The following ERAP1 variants were observed in gnomAD, a reference collection of about 807,000 sequenced individuals.
ERAP1 encodes the protein endoplasmic reticulum aminopeptidase 1.
Under a neutral mutation model 103.7 loss-of-function variants are expected in ERAP1, and 86 were observed. That is an observed-to-expected ratio of 0.83 (90% CI 0.70 to 0.99). ERAP1 has a LOEUF of 0.99. Among genes scored for constraint, ERAP1 ranks in the 50% least tolerant of loss-of-function variants. The probability of loss-of-function intolerance (pLI) is 0.00; values close to 1 mark genes in which losing one functional copy is unlikely to be tolerated. For missense variants in ERAP1, 1,009 were observed against 1,128.4 expected, an observed-to-expected ratio of 0.89 and a Z score of 1.52; for synonymous variants, 398 against 402.4, an observed-to-expected ratio of 0.99 and a Z score of 0.13.
the ERAP1 span, chr5:96,883,647 G>A: frequency 1.0e-5 from 8 of 779,360 alleles, no homozygotes; most frequent in South Asian, 8.0e-5. Context: ...TTTCCTCAAA[G>A]AGACAGTTGA....
At chr5:96,836,176 G>GGT in the ERAP1 span, among the ~76,000 whole-genome samples, 6 of 106,658 alleles carry the variant, frequency 5.6e-5, no homozygotes, top group East Asian at 1.1e-3. Context: ...CACCTCTTTG[G>GGT]TTTTTTTTTT....
the ERAP1 span, chr5:96,935,191 T>C: frequency 6.6e-6 from 1 of 152,050 alleles, no homozygotes; most frequent in East Asian, 1.9e-4. Flanking sequence ...GATTTAAGGC[T>C]CGGAACAGGC....
At chr5:96,777,284 A>G (rs568423680) in intron 18 of ERAP1, among the ~76,000 whole-genome samples, 55 of 152,308 alleles carry the variant, frequency 3.6e-4, no homozygotes, top group Non-Finnish European at 5.0e-4. Context: ...TTCACCTTAA[A>G]GGGTTATTAT....
At chr5:96,813,431 G>C in the ERAP1 span, among the ~76,000 whole-genome samples, 1 of 152,044 alleles carries the variant, frequency 6.6e-6, no homozygotes, top group African/African-American at 2.4e-5. Context: ...AAGGCAGGAA[G>C]ATCATGAGGG....
intron 19 of ERAP1, among the ~76,000 whole-genome samples, chr5:96,766,728 C>CT (rs1330418490): frequency 6.6e-6 from 1 of 152,212 alleles, no homozygotes; most frequent in Non-Finnish European, 1.5e-5. Flanking sequence ...TCCCCCACCT[C>CT]TTTCCTATTT....
At chr5:96,891,574 C>T in the ERAP1 span, among the ~76,000 whole-genome samples, 80,830 of 136,936 alleles carry the variant, frequency 0.59, 23,067 homozygotes, top group Middle Eastern at 0.71. Context: ...ATATATGGTA[C>T]ACACACACAC....
the ERAP1 span, chr5:96,879,744 G>T: frequency 6.2e-7 from 1 of 1,614,170 alleles, no homozygotes; most frequent in Non-Finnish European, 8.5e-7. Flanking sequence ...AACATTCACA[G>T]AGGATTTTAC....
intron 18 of ERAP1, among the ~76,000 whole-genome samples, chr5:96,777,832 C>T (rs896244069): frequency 6.6e-6 from 1 of 152,194 alleles, no homozygotes; most frequent in Non-Finnish European, 1.5e-5. Context: ...CTTGTCCTGA[C>T]CCAAAATCAT....
chr5:96,763,074 T>A, exon 20 of ERAP1: 1 of 769,748 alleles, frequency 1.3e-6, no homozygotes, highest in Non-Finnish European at 2.4e-6. Flanking sequence ...TCTCCTTTGG[T>A]TGAGAACAGT....
At position 96,788,647 on chromosome 5, in the gene ERAP1, C is replaced by A. The variant is rs567477737; in HGVS notation, c.1563G>T (p.Met521Ile). ...HQEGVDVKTM[M>I]NTWTLQKGFP... is the part of the protein sequence containing the mutation. Reference sequence around the variant, plus strand: ...AACCCTTCTGCAGTGTCCAAGTGTTCATCATGGTTTTCACATCCACCCCTT... The same window carrying A: ...AACCCTTCTGCAGTGTCCAAGTGTTAATCATGGTTTTCACATCCACCCCTT... The change falls in exon 11 of 19, where the codon ATG becomes ATT. Residue 521 changes from methionine to isoleucine, a missense_variant. Met to Ile is a conservative substitution (Grantham distance 10). This residue lies in a region of ERAP1 where 611 missense variants were observed against 651.7 expected (regional missense o/e 0.94). Coordinates refer to ENST00000443439, the MANE Select transcript of ERAP1 (RefSeq NM_001040458.3). 1.4e-4 allele frequency: 218 copies of A among 1,614,048 alleles called. No homozygotes were observed. The highest frequency in any genetic ancestry group is 1.8e-4 in the Non-Finnish European group (210 of 1,180,040).
chr5:96,808,464 C>T (rs948795174), upstream of ERAP1, among the ~76,000 whole-genome samples: 2 of 151,848 alleles, frequency 1.3e-5, no homozygotes, highest in African/African-American at 4.8e-5. Context: ...GCTGAGAGCT[C>T]TTGGCCCGCC....
In ERAP1 at chr5:96,805,110, G is replaced by A. The variant is rs182566980; in HGVS notation, c.-17-1167C>T. Among the ~76,000 whole-genome samples the A allele has an allele frequency of 5.2e-4, 79 of 151,510 alleles. 1 individual carries two copies. The highest frequency in any genetic ancestry group is 1.6e-3 in the Admixed American group (24 of 15,172). The stretch of plus-strand genomic sequence containing the variant: ...TGCAAGTGATTGGCCCAAACTCCTC[G>A]TGTTCCAGTTGGGAAAAGTAGCAAG... On this transcript the variant is annotated intron_variant, in intron 1 of 18. Transcript: ENST00000443439.
chr5:96,911,866 C>CAA, the ERAP1 span, among the ~76,000 whole-genome samples: 9 of 56,662 alleles, frequency 1.6e-4, no homozygotes, highest in East Asian at 2.0e-3. Flanking sequence ...GACCCTGTCT[C>CAA]AAAAAAAAAA....
At chr5:96,902,274 G>A in the ERAP1 span, 2 of 1,594,896 alleles carry the variant, frequency 1.3e-6, no homozygotes, top group African/African-American at 1.3e-5. Context: ...TCTGTCATAG[G>A]TACCTGTGGC....
chr5:96,827,879 A>C, the ERAP1 span, among the ~76,000 whole-genome samples: 2 of 152,210 alleles, frequency 1.3e-5, no homozygotes, highest in African/African-American at 4.8e-5. Context: ...TGTGAGGATA[A>C]TAGAAGATAA....
At chr5:96,819,648 ATTGT>A in the ERAP1 span, among the ~76,000 whole-genome samples, 1 of 152,074 alleles carries the variant, frequency 6.6e-6, no homozygotes, top group Non-Finnish European at 1.5e-5. Flanking sequence ...TTTTCCTAGG[ATTGT>A]TTTTTTACGT....
the ERAP1 span, among the ~76,000 whole-genome samples, chr5:96,864,919 C>G: frequency 1.3e-5 from 2 of 151,864 alleles, no homozygotes; most frequent in Non-Finnish European, 2.9e-5. Context: ...CTTATGGATA[C>G]AGAAATGCAA....
intron 10 of ERAP1, 106 bp from the exon 11 acceptor site, chr5:96,788,791 C>T (rs950430165): frequency 3.6e-6 from 5 of 1,390,406 alleles, no homozygotes; most frequent in Non-Finnish European, 4.9e-6. Context: ...TGCCAACCTC[C>T]CCTCTTAGGA....
At chr5:96,896,687 C>A in the ERAP1 span, 1 of 1,522,956 alleles carries the variant, frequency 6.6e-7, no homozygotes, top group South Asian at 1.3e-5. Flanking sequence ...ACCATACTAC[C>A]ATTTTCTTTA....
Sources: allele counts gnomAD v4.1 joint callset (sites outside exome capture counted in the v4.1 genomes callset), GRCh38; gene constraint gnomAD v4.1.1; regional missense constraint gnomAD v4.1.1; transcripts MANE v1.5; gene names NCBI Gene and HGNC (gene_info 2026-07-23, HGNC 2026-07-21).